GNA12: variants seen among roughly 807,000 people sequenced by gnomAD.
GNA12 encodes G protein subunit alpha 12.
A neutral mutation model predicts 26.0 loss-of-function variants in GNA12; 9 were observed. The ratio of observed to expected loss-of-function variants is 0.35; its 90% CI spans 0.21 to 0.60. GNA12 has a LOEUF of 0.60. Ranked by LOEUF, GNA12 falls within the 20% of genes least tolerant of loss-of-function variation. The probability of loss-of-function intolerance (pLI) is 0.78; values close to 1 mark genes in which losing one functional copy is unlikely to be tolerated. For synonymous variants in GNA12, 264 were observed against 219.6 expected (o/e 1.20, Z -1.79); for missense variants, 405 against 525.8 (o/e 0.77, Z 2.25).
chr7:2,783,694 ATTTATTTT>A (rs1421267004), intron 2 of GNA12, among the ~76,000 whole-genome samples: 301 of 134,350 alleles, frequency 2.2e-3, no homozygotes, highest in South Asian at 0.011. Flanking sequence ...TTATTTATTT[ATTTATTTT>A]GAGATGTAGT....
At chr7:2,787,045 G>A (rs1792379436) in intron 2 of GNA12, among the ~76,000 whole-genome samples, 2 of 152,160 alleles carry the variant, frequency 1.3e-5, no homozygotes, top group Non-Finnish European at 2.9e-5. Flanking sequence ...GGCAGCCTGG[G>A]CGTACTCACA....
chr7:2,759,374 C>A (rs1791453525), intron 2 of GNA12, among the ~76,000 whole-genome samples: 1 of 152,132 alleles, frequency 6.6e-6, no homozygotes, highest in South Asian at 2.1e-4. Context: ...AAGGGCCTCC[C>A]CCATATCACC....
chr7:2,737,688 G>A (rs1790278278), intron 2 of GNA12, among the ~76,000 whole-genome samples: 1 of 152,198 alleles, frequency 6.6e-6, no homozygotes, highest in South Asian at 2.1e-4. Context: ...TGGTGAGCTA[G>A]AGGATTCCAA....
intron 2 of GNA12, among the ~76,000 whole-genome samples, chr7:2,746,938 C>G (rs542192829): frequency 3.9e-5 from 6 of 152,066 alleles, no homozygotes; most frequent in Middle Eastern, 3.4e-3. Flanking sequence ...ATAAATTCCT[C>G]GACACATACA....
intron 1 of GNA12, 118 bp from the exon 2 acceptor site, chr7:2,795,261 G>T: frequency 1.3e-6 from 1 of 746,018 alleles, no homozygotes; most frequent in Non-Finnish European, 2.3e-6. Flanking sequence ...GCTCTGAGCT[G>T]TGCAGCCTGA....
chr7:2,767,099 CTTG>C (rs1791825761), intron 2 of GNA12, among the ~76,000 whole-genome samples: 1 of 152,210 alleles, frequency 6.6e-6, no homozygotes, highest in South Asian at 2.1e-4. Flanking sequence ...AACTTTGCTT[CTTG>C]TTGAGTTGTA....
intron 1 of GNA12, among the ~76,000 whole-genome samples, chr7:2,832,452 A>G (rs1171838394): frequency 2.0e-5 from 3 of 152,086 alleles, no homozygotes; most frequent in Non-Finnish European, 4.4e-5. Context: ...CCAAACAGGC[A>G]CTCGAGGGCT....
At chr7:2,774,268 CATATATATGTGTGT>C (rs542983648) in intron 2 of GNA12, among the ~76,000 whole-genome samples, 35 of 152,038 alleles carry the variant, frequency 2.3e-4, no homozygotes, top group South Asian at 6.2e-4. Context: ...CACATGCATG[CATATATATGTGTGT>C]ATATATATGT....
chr7:2,787,375 C>T lies in GNA12; in HGVS notation c.525+7553G>A, dbSNP rs1431908267. Among the ~76,000 whole-genome samples the T allele has an allele frequency of 4.6e-5, 7 of 152,174 alleles. No individual in the cohort carries two copies. In the East Asian group the frequency reaches 5.8e-4, roughly 13 times the overall value. On this transcript the variant is annotated intron_variant, in intron 2 of 3. Coordinates refer to ENST00000275364, the MANE Select transcript of GNA12 (RefSeq NM_007353.3). ...CCTCTGACCAATTCCTAAGTCCTTC[C>T]GGCAGCCCTCAGGCGCCCCTCCACA...
In GNA12 at chr7:2,733,589, T is replaced by A. The variant is rs114892473; in HGVS notation, c.526-88A>T. The A allele has an allele frequency of 2.5e-3, 2,476 of 1,002,830 alleles. 24 individuals carry two copies. The African/African-American group carries it at 0.034, about 14-fold the overall frequency. 62.1% of individuals were successfully genotyped at this position (1,002,830 alleles called of 1,614,324 possible). A position where few individuals can be genotyped will look rare whatever the true frequency, so the allele number is the denominator to read the frequency against. ...CAAGAACTGAACAGGGTAAGAGCAG[T>A]GGCATTTCGCCTCCGTGTGAATGGG... On this transcript the variant is annotated intron_variant, in intron 2 of 3. Coordinates refer to ENST00000275364, the MANE Select transcript of GNA12 (RefSeq NM_007353.3).
chr7:2,757,128 CCTTTTT>C (rs1325772317), intron 2 of GNA12, among the ~76,000 whole-genome samples: 4 of 115,136 alleles, frequency 3.5e-5, no homozygotes, highest in Admixed American at 1.0e-4. Flanking sequence ...ATCAGGTGGG[CCTTTTT>C]TTTTTTTTTT....
intron 1 of GNA12, among the ~76,000 whole-genome samples, chr7:2,796,031 AT>A (rs1792662047): frequency 6.6e-6 from 1 of 151,980 alleles, no homozygotes; most frequent in Admixed American, 6.6e-5. Context: ...CGGACTGCTA[AT>A]TTTTGTATTT....
At chr7:2,751,945 G>A (rs1392189836) in intron 2 of GNA12, among the ~76,000 whole-genome samples, 2 of 152,036 alleles carry the variant, frequency 1.3e-5, no homozygotes, top group Admixed American at 6.6e-5. Flanking sequence ...TAACACTAAC[G>A]AACGTGAACT....
chr7:2,742,377 T>A (rs1790551600), intron 2 of GNA12, among the ~76,000 whole-genome samples: 1 of 152,146 alleles, frequency 6.6e-6, no homozygotes, highest in East Asian at 1.9e-4. Context: ...TTGCGATGTC[T>A]CCAGTGTTTA....
At chr7:2,835,058 G>A (rs1184765828) in intron 1 of GNA12, among the ~76,000 whole-genome samples, 2 of 152,212 alleles carry the variant, frequency 1.3e-5, no homozygotes, top group Non-Finnish European at 2.9e-5. Context: ...CAATCATGTG[G>A]ATGGTTAGGA....
At chr7:2,800,609 G>T (rs188493973) in intron 1 of GNA12, among the ~76,000 whole-genome samples, 1 of 152,310 alleles carries the variant, frequency 6.6e-6, no homozygotes, top group Admixed American at 6.5e-5. Context: ...AGCGACCACG[G>T]CAATGTAAGT....
chr7:2,785,440 C>T (rs1260730949), intron 2 of GNA12, among the ~76,000 whole-genome samples: 2 of 152,204 alleles, frequency 1.3e-5, no homozygotes, highest in African/African-American at 4.8e-5. Flanking sequence ...CTCTGAATCA[C>T]ACTATGGAAG....
At chr7:2,841,448 C>A (rs572718732) in intron 1 of GNA12, among the ~76,000 whole-genome samples, 36 of 152,256 alleles carry the variant, frequency 2.4e-4, no homozygotes, top group African/African-American at 8.4e-4. Flanking sequence ...GGATCTTTAA[C>A]AGAGAAGTTA....
intron 2 of GNA12, among the ~76,000 whole-genome samples, chr7:2,744,920 T>C (rs1056953757): frequency 1.3e-5 from 2 of 151,748 alleles, no homozygotes; most frequent in Non-Finnish European, 2.9e-5. Context: ...AGGGTATAAG[T>C]GATGGAAGAC....
Sources: allele counts gnomAD v4.1 joint callset (sites outside exome capture counted in the v4.1 genomes callset), GRCh38; gene constraint gnomAD v4.1.1; transcripts MANE v1.5; gene names NCBI Gene and HGNC (gene_info 2026-07-23, HGNC 2026-07-21).